Variants in FABP6 observed in about 807,000 individuals in gnomAD.
FABP6 encodes gastrotropin.
A neutral mutation model predicts 14.9 loss-of-function variants in FABP6; 13 were observed. The ratio of observed to expected loss-of-function variants is 0.87; its 90% CI spans 0.57 to 1.39. The LOEUF (loss-of-function observed/expected upper bound fraction) is 1.39. Among genes scored for constraint, FABP6 ranks in the 40% most tolerant of loss-of-function variants. The pLI is 0.00. For missense variants in FABP6, 161 were observed against 167.2 expected (o/e 0.96, Z 0.20); for synonymous variants, 75 against 63.6 (o/e 1.18, Z -0.85).
chr5:160,227,346 C>A (rs1390494385), upstream of FABP6, among the ~76,000 whole-genome samples: 1 of 152,052 alleles, frequency 6.6e-6, no homozygotes, highest in South Asian at 2.1e-4. Context: ...ACCAGCCTGG[C>A]CAACACAGTG....
chr5:160,214,251 ACTC>A (rs1759965784), intron 3 of FABP6, among the ~76,000 whole-genome samples: 1 of 151,630 alleles, frequency 6.6e-6, no homozygotes, highest in South Asian at 2.1e-4. Flanking sequence ...GCAGCCTTGA[ACTC>A]CTAGGCTCAA....
At chr5:160,230,238 T>C (rs1760348430) in intron 1 of FABP6, among the ~76,000 whole-genome samples, 1 of 152,274 alleles carries the variant, frequency 6.6e-6, no homozygotes, top group East Asian at 1.9e-4. Flanking sequence ...TCCACTTTAC[T>C]GATGGAAAAC....
chr5:160,235,974 G>T (rs1185074489), intron 3 of FABP6, among the ~76,000 whole-genome samples: 1 of 151,428 alleles, frequency 6.6e-6, no homozygotes, highest in Non-Finnish European at 1.5e-5. Context: ...CCCCCGTCCT[G>T]GTTTCTTCAC....
chr5:160,232,362 G>T, intron 2 of FABP6, 89 bp downstream of exon 2: 1 of 1,370,718 alleles, frequency 7.3e-7, no homozygotes, highest in Non-Finnish European at 9.7e-7. Flanking sequence ...CCGAGCTGAG[G>T]CTTCTTTCTC....
intron 3 of FABP6, among the ~76,000 whole-genome samples, chr5:160,216,448 A>C (rs1400618008): frequency 6.6e-6 from 1 of 151,750 alleles, no homozygotes; most frequent in Non-Finnish European, 1.5e-5. Context: ...TTGTATTTTT[A>C]GTAGAGATGG....
Position 160,222,821 on chromosome 5 carries a change from A to G in FABP6, c.136-6725A>G, listed in dbSNP as rs190018153. On this transcript the variant is annotated intron_variant, in intron 3 of 6. Coordinates refer to the FABP6 transcript ENST00000393980. ...GTTAAGCTGGGTGTAAAGTAATTCA[A>G]TCCCAATTTGACAAAACATTGTATG... Among the ~76,000 whole-genome samples, 870 of 152,312 alleles carry G rather than the reference A, an allele frequency of 5.7e-3. 9 individuals are homozygous for G. Among genetic ancestry groups the G allele is most frequent in the African/African-American group, 0.02 (830 of 41,554 alleles).
At chr5:160,210,405 T>C (rs1207880271) in intron 2 of FABP6, among the ~76,000 whole-genome samples, 1 of 152,228 alleles carries the variant, frequency 6.6e-6, no homozygotes, top group Non-Finnish European at 1.5e-5. Context: ...ACAAGTTACC[T>C]TTCAACCTGG....
intron 3 of FABP6, among the ~76,000 whole-genome samples, chr5:160,214,455 A>C (rs1759972649): frequency 2.0e-5 from 3 of 151,780 alleles, no homozygotes; most frequent in Admixed American, 2.0e-4. Flanking sequence ...GTATGTCACC[A>C]CACCTGGCCT....
chr5:160,224,191 G>A (rs1760195165), intron 3 of FABP6, among the ~76,000 whole-genome samples: 1 of 152,070 alleles, frequency 6.6e-6, no homozygotes, highest in Admixed American at 6.6e-5. Flanking sequence ...AACTGAGATA[G>A]CGCCACTGCA....
chr5:160,228,270 A>T (rs1303640146), upstream of FABP6, among the ~76,000 whole-genome samples: 1 of 152,106 alleles, frequency 6.6e-6, no homozygotes, highest in Non-Finnish European at 1.5e-5. Context: ...GCATGCCTGT[A>T]ATCCCAGCTA....
At chr5:160,232,039 C>G in intron 1 of FABP6, 59 bp from the exon 2 acceptor site, 2 of 1,582,140 alleles carry the variant, frequency 1.3e-6, no homozygotes, top group Non-Finnish European at 1.7e-6. Flanking sequence ...AGCTCTTTTC[C>G]CAAACCACAG....
intron 3 of FABP6, among the ~76,000 whole-genome samples, chr5:160,237,259 G>A (rs1032593556): frequency 6.6e-6 from 1 of 152,074 alleles, no homozygotes; most frequent in Non-Finnish European, 1.5e-5. Flanking sequence ...CAAGCTGAGC[G>A]AACCTGCTTG....
intron 3 of FABP6, among the ~76,000 whole-genome samples, chr5:160,217,800 T>C (rs1023861002): frequency 9.3e-5 from 14 of 149,982 alleles, no homozygotes; most frequent in African/African-American, 1.5e-4. Flanking sequence ...CCATGCCCAG[T>C]TGATTTACTT....
chr5:160,236,843 G>A (rs1368261799), intron 3 of FABP6, among the ~76,000 whole-genome samples: 1 of 151,594 alleles, frequency 6.6e-6, no homozygotes, highest in African/African-American at 2.4e-5. Flanking sequence ...TTAGCCAGGT[G>A]TGGTGGTGCA....
chr5:160,229,875 T>C (rs1760336445), intron 1 of FABP6, among the ~76,000 whole-genome samples: 1 of 107,032 alleles, frequency 9.3e-6, no homozygotes, highest in African/African-American at 3.4e-5. Context: ...TATTTTATTT[T>C]ATTTTATTTT....
rs779351263 is a variant in FABP6, at chr5:160,232,153, G to A, written c.123G>A (p.Val41=). 5.0e-6 allele frequency: 8 copies of A among 1,614,068 alleles called. No individual in the cohort carries two copies. Among genetic ancestry groups the A allele is most frequent in the Non-Finnish European group, 6.8e-6 (8 of 1,179,996 alleles). Residue 41 remains valine (V), a synonymous_variant, in exon 2 of 4, where the codon GTG becomes GTA. Coordinates refer to ENST00000402432, the MANE Select transcript of FABP6 (RefSeq NM_001445.3). ...KARNFKIVTE[V]QQDGQDFTWS... is the part of the protein sequence containing the mutation. ...GCAACTTCAAGATCGTCACGGAGGT[G>A]CAGCAGGATGGGCAGGACTTCACTT...
chr5:160,198,865 C>T, intron 1 of FABP6: 1 of 557,428 alleles, frequency 1.8e-6, no homozygotes, highest in South Asian at 2.2e-5. Context: ...CTTTACAGCA[C>T]TTTTGACTTT....
At chr5:160,234,407 A>G (rs1386798856) in intron 2 of FABP6, among the ~76,000 whole-genome samples, 1 of 119,414 alleles carries the variant, frequency 8.4e-6, no homozygotes, top group South Asian at 2.6e-4. Flanking sequence ...TTTTTTACCT[A>G]CAACTGTCTT....
At chr5:160,209,280 GC>G (rs1197457779) in intron 2 of FABP6, among the ~76,000 whole-genome samples, 1 of 151,946 alleles carries the variant, frequency 6.6e-6, no homozygotes, top group East Asian at 2.0e-4. Flanking sequence ...ACCTTGGGAG[GC>G]CAAGGCAGGC....
Sources: gnomAD v4.1 joint callset for allele counts (sites outside exome capture counted in the v4.1 genomes callset) on GRCh38, gnomAD v4.1.1 for gene constraint, MANE v1.5 for transcripts, NCBI Gene and HGNC (gene_info 2026-07-23, HGNC 2026-07-21) for gene names.